Variants in CLOCK observed in about 807,000 individuals in gnomAD.
CLOCK encodes the protein clock circadian regulator.
CLOCK carries 43 observed loss-of-function variants against 118.4 expected under a neutral mutation model. That is an observed-to-expected ratio of 0.36 (90% CI 0.28 to 0.47). CLOCK has a LOEUF of 0.47. CLOCK is among the 20% of genes least tolerant of loss of function. CLOCK has a pLI of 1.00. For missense variants in CLOCK, 846 were observed against 999.9 expected (o/e 0.85, Z 2.08); for synonymous variants, 326 against 339.2 (o/e 0.96, Z 0.43).
chr4:55,532,617 A>G (rs1286404745), intron 1 of CLOCK, among the ~76,000 whole-genome samples: 4 of 152,220 alleles, frequency 2.6e-5, no homozygotes. Context: ...CTGTAATCCT[A>G]GCACTTTGGG....
intron 3 of CLOCK, among the ~76,000 whole-genome samples, chr4:55,486,167 T>C (rs1727284082): frequency 6.6e-6 from 1 of 152,220 alleles, no homozygotes; most frequent in African/African-American, 2.4e-5. Context: ...AGCCATATAG[T>C]ATACTATAAT....
At position 55,534,141 on chromosome 4, in the gene CLOCK, TAATA is replaced by T. The variant is rs539998268; in HGVS notation, c.-290+12637_-290+12640del. On this transcript the variant is annotated intron_variant, in intron 1 of 22. Transcript: ENST00000513440. ...CTATGATTAACAGCACTGAAGTAAT[TAATA>T]ATTACAGTTGTAATATGCAGCGAGT... is the stretch of plus-strand genomic sequence containing the variant. 1.6e-3 allele frequency among the ~76,000 whole-genome samples: 243 copies of T among 152,290 alleles called. 2 individuals are homozygous for T. The highest frequency in any genetic ancestry group is 2.9e-3 in the East Asian group (15 of 5,180).
chr4:55,529,766 T>C (rs1456508136), intron 1 of CLOCK, among the ~76,000 whole-genome samples: 2 of 152,174 alleles, frequency 1.3e-5, no homozygotes, highest in African/African-American at 4.8e-5. Context: ...GGTTTTGAAG[T>C]TGTGGAGCTG....
At chr4:55,517,147 A>G (rs1389583806) in intron 1 of CLOCK, among the ~76,000 whole-genome samples, 1 of 152,238 alleles carries the variant, frequency 6.6e-6, no homozygotes, top group African/African-American at 2.4e-5. Context: ...AATGTGGTGG[A>G]TCACACTGAT....
chr4:55,448,601 C>CGTGTGTGTGTGTGTGTGT (rs3034980), intron 18 of CLOCK, among the ~76,000 whole-genome samples, 178 bp downstream of exon 18: 1 of 116,980 alleles, frequency 8.5e-6, no homozygotes, highest in Non-Finnish European at 1.8e-5. Flanking sequence ...CGCACGCGCG[C>CGTGTGTGTGTGTGTGTGT]GTGTGTGTGT....
Position 55,428,825 on chromosome 4 carries a change from CA to C in CLOCK, c.*6589del, listed in dbSNP as rs1237361042. ...TTTGCACTGACTGGTTTCAATACAG[CA>C]CTGAATTTAACTCATCTTTGGGCTT... is the stretch of plus-strand genomic sequence containing the variant. On this transcript the variant is annotated 3_prime_UTR_variant, in exon 23 of 23. Coordinates refer to ENST00000513440, the MANE Select transcript of CLOCK (RefSeq NM_004898.4). The C allele has an allele frequency of 1.3e-5, 2 of 150,314 alleles. No homozygotes were observed. The highest frequency in any genetic ancestry group is 4.9e-5 in the African/African-American group (2 of 40,786). 9.3% of individuals were successfully genotyped at this position (150,314 alleles called of 1,614,324 possible).
chr4:55,516,610 G>A (rs983709499), intron 1 of CLOCK, among the ~76,000 whole-genome samples: 2 of 151,866 alleles, frequency 1.3e-5, no homozygotes, highest in African/African-American at 4.8e-5. Context: ...GGTTTTTTTG[G>A]TAGACAACAT....
chr4:55,456,398 C>T, intron 11 of CLOCK, 98 bp from the exon 12 acceptor site: 1 of 788,848 alleles, frequency 1.3e-6, no homozygotes, highest in Admixed American at 2.1e-5. Flanking sequence ...TGCAGTGGCT[C>T]ACACCTGTAA....
chr4:55,453,794 T>A lies in CLOCK; in HGVS notation c.1013A>T (p.Tyr338Phe). The A allele has an allele frequency of 6.2e-7, 1 of 1,607,630 alleles. No individual in the cohort carries two copies. The highest frequency in any genetic ancestry group is 8.5e-7 in the Non-Finnish European group (1 of 1,176,646). Residue 338 changes from tyrosine (Y) to phenylalanine (F), a missense_variant, in exon 14 of 23, where the codon TAT (tyrosine) becomes TTT (phenylalanine). Tyr to Phe is a conservative substitution (Grantham distance 22). Coordinates refer to ENST00000513440, the MANE Select transcript of CLOCK (RefSeq NM_004898.4). ...TTGCCCCTTAGTCAGGAACCTATAA[T>A]AACATGATTTGCCTTTCCCATATTG... ...LMQYGKGKSCYYRFLTKGQQW... is the reference protein window; with the variant it reads ...LMQYGKGKSCFYRFLTKGQQW...
chr4:55,532,827 A>G (rs1730639690), intron 1 of CLOCK, among the ~76,000 whole-genome samples: 1 of 152,196 alleles, frequency 6.6e-6, no homozygotes, highest in Admixed American at 6.5e-5. Context: ...AGCCTAGGTG[A>G]CAGAGACCCT....
rs748867462 is a variant in CLOCK, at chr4:55,482,714, TTAAAA to T, written c.47+20_47+24del. Reference sequence around the variant, plus strand: ...GCATTTTAAAATAATTATATATAACTTAAAATAAGTCTTCAAAAACATACCTGTCA... The same window carrying T: ...GCATTTTAAAATAATTATATATAACTTAAGTCTTCAAAAACATACCTGTCA... On this transcript the variant is annotated intron_variant, in intron 4 of 22. Transcript: ENST00000513440. 2 of 1,528,926 alleles carry T rather than the reference TTAAAA, an allele frequency of 1.3e-6. No homozygotes were observed. 94.7% of individuals were successfully genotyped at this position (1,528,926 alleles called of 1,614,324 possible).
Position 55,472,734 on chromosome 4 carries a change from T to TC in CLOCK, c.349-1929dup, listed in dbSNP as rs961570039. Among the ~76,000 whole-genome samples the TC allele has an allele frequency of 1.9e-4, 29 of 148,788 alleles. No individual in the cohort carries two copies. In the Middle Eastern group the frequency reaches 0.01, roughly 53 times the overall value. Reference sequence around the variant, plus strand: ...ATAGAAAATGGTCCCCTCCCCCTTGTCCCCCCCCTTCTTTTGGGAAAGAGA... The same window carrying TC: ...ATAGAAAATGGTCCCCTCCCCCTTGTCCCCCCCCCTTCTTTTGGGAAAGAGA... On this transcript the variant is annotated intron_variant, in intron 7 of 22. Coordinates refer to ENST00000513440, the MANE Select transcript of CLOCK (RefSeq NM_004898.4).
At chr4:55,514,507 C>CA (rs986559003) in intron 1 of CLOCK, among the ~76,000 whole-genome samples, 14 of 151,334 alleles carry the variant, frequency 9.3e-5, no homozygotes, top group Non-Finnish European at 1.8e-4. Flanking sequence ...TTATCCCCCC[C>CA]CCACTTTGCT....
At chr4:55,530,899 A>C (rs551094957) in intron 1 of CLOCK, among the ~76,000 whole-genome samples, 3 of 152,214 alleles carry the variant, frequency 2.0e-5, no homozygotes, top group African/African-American at 7.2e-5. Context: ...ATAGCTCAGA[A>C]TGACATATAC....
intron 2 of CLOCK, among the ~76,000 whole-genome samples, chr4:55,492,238 A>G (rs917514442): frequency 6.6e-6 from 1 of 152,176 alleles, no homozygotes; most frequent in Non-Finnish European, 1.5e-5. Context: ...GGTTCAACAT[A>G]TATTAATAAA....
intron 1 of CLOCK, among the ~76,000 whole-genome samples, chr4:55,517,563 G>C (rs1263555795): frequency 6.6e-6 from 1 of 152,152 alleles, no homozygotes; most frequent in East Asian, 1.9e-4. Flanking sequence ...CTAATATTTT[G>C]TTAAGGATTT....
In CLOCK at chr4:55,489,439, A is replaced by C. The variant is rs921905742; in HGVS notation, c.-109T>G. ...AACTATAGGTTCAAGGTACTCTTCT[A>C]TATGACCAACCATAAGTCTCAGAAT... On this transcript the variant is annotated 5_prime_UTR_variant, in exon 3 of 23. Coordinates refer to ENST00000513440, the MANE Select transcript of CLOCK (RefSeq NM_004898.4). 2 of 152,150 alleles carry C rather than the reference A, an allele frequency of 1.3e-5. No homozygotes were observed. Among genetic ancestry groups the C allele is most frequent in the Non-Finnish European group, 2.9e-5 (2 of 68,024 alleles). The allele number at this position is 152,150 out of a possible 1,614,324, so 9.4% of individuals were successfully genotyped here.
intron 2 of CLOCK, among the ~76,000 whole-genome samples, chr4:55,498,407 GA>G (rs1416541978): frequency 6.6e-6 from 1 of 151,770 alleles, no homozygotes; most frequent in African/African-American, 2.4e-5. Flanking sequence ...AGATAATTCA[GA>G]AAAAAACTAC....
intron 2 of CLOCK, among the ~76,000 whole-genome samples, chr4:55,503,989 A>AAAAAAAAAAAAAAAAAAAAAAAAAAAC (rs1728606444): frequency 6.8e-6 from 1 of 146,594 alleles, no homozygotes; most frequent in Non-Finnish European, 1.5e-5. Flanking sequence ...AAAAAAAAAA[A>AAAAAAAAAAAAAAAAAAAAAAAAAAAC]AAAAAAAAAA....
Sources: gnomAD v4.1 joint callset for allele counts (sites outside exome capture counted in the v4.1 genomes callset) on GRCh38, gnomAD v4.1.1 for gene constraint, MANE v1.5 for transcripts, NCBI Gene and HGNC (gene_info 2026-07-23, HGNC 2026-07-21) for gene names.